NCAM2: variants seen among roughly 807,000 people sequenced by gnomAD.
NCAM2 encodes the protein N-CAM-2.
NCAM2 carries 30 observed loss-of-function variants against 98.1 expected under a neutral mutation model. That is an observed-to-expected ratio of 0.31 (90% confidence interval 0.23 to 0.41). The LOEUF is 0.41. Among genes scored for constraint, NCAM2 ranks in the 10% least tolerant of loss-of-function variants. The pLI is 1.00. For missense variants in NCAM2, 867 were observed against 1,005.8 expected (o/e 0.86, Z 1.87); for synonymous variants, 368 against 342.4 (o/e 1.07, Z -0.83).
chr21:21,182,589 CTG>C (rs2068516067), intron 1 of NCAM2, among the ~76,000 whole-genome samples: 1 of 152,038 alleles, frequency 6.6e-6, no homozygotes, highest in African/African-American at 2.4e-5. Flanking sequence ...TGTCATGTGT[CTG>C]TTTTATCATT....
intron 8 of NCAM2, among the ~76,000 whole-genome samples, chr21:21,348,373 T>C (rs985377078): frequency 5.3e-5 from 8 of 151,976 alleles, no homozygotes; most frequent in Non-Finnish European, 1.2e-4. Flanking sequence ...TGAAATTAAA[T>C]ACCTAGGAAT....
chr21:21,062,937 A>G lies in NCAM2; in HGVS notation c.55+64319A>G, dbSNP rs140093694. ...TCAAAATATAAAGCATTTACATTCCAAGTATCTTTGCAGTGTTAGTGTTAT... is the reference window on the plus strand; with the variant it reads ...TCAAAATATAAAGCATTTACATTCCGAGTATCTTTGCAGTGTTAGTGTTAT... On this transcript the variant is annotated intron_variant, in intron 1 of 17. Transcript: ENST00000400546. Among the ~76,000 whole-genome samples, 948 of 152,294 alleles carry G rather than the reference A, an allele frequency of 6.2e-3. 29 individuals carry two copies. The highest frequency in any genetic ancestry group is 0.05 in the Admixed American group (759 of 15,280).
At chr21:21,342,740 T>A (rs2075078483) in intron 8 of NCAM2, among the ~76,000 whole-genome samples, 1 of 152,214 alleles carries the variant, frequency 6.6e-6, no homozygotes, top group Admixed American at 6.5e-5. Context: ...TGGGGAAGGA[T>A]TCACAATCAT....
chr21:21,304,917 A>G (rs1449467904), intron 5 of NCAM2, among the ~76,000 whole-genome samples: 2 of 152,228 alleles, frequency 1.3e-5, no homozygotes, highest in Admixed American at 6.5e-5. Flanking sequence ...TGTTAATTGT[A>G]GCATCATATA....
At chr21:21,306,818 C>T (rs2073893357) in intron 5 of NCAM2, among the ~76,000 whole-genome samples, 1 of 152,038 alleles carries the variant, frequency 6.6e-6, no homozygotes. Flanking sequence ...TACCCATTTA[C>T]CATCCCCACC....
intron 10 of NCAM2, among the ~76,000 whole-genome samples, chr21:21,416,953 A>G (rs558806612): frequency 6.6e-6 from 1 of 152,154 alleles, no homozygotes; most frequent in Non-Finnish European, 1.5e-5. Context: ...TTTATTAAGC[A>G]TACAACATGA....
intron 1 of NCAM2, among the ~76,000 whole-genome samples, chr21:21,013,648 G>A (rs2064250376): frequency 6.6e-6 from 1 of 152,138 alleles, no homozygotes; most frequent in Admixed American, 6.5e-5. Context: ...GAGCATGGTG[G>A]TGCATGCCTG....
chr21:21,147,262 A>G (rs2826709), intron 1 of NCAM2: 394,579 of 984,326 alleles, frequency 0.4, 79,817 homozygotes, highest in African/African-American at 0.52. Context: ...GTAAATATTC[A>G]GAGATGTGTC....
chr21:21,531,537 C>G (rs1989694201), intron 16 of NCAM2, among the ~76,000 whole-genome samples: 1 of 200 alleles, frequency 5.0e-3, no homozygotes, highest in Non-Finnish European at 0.012. Flanking sequence ...TAATTTAGGT[C>G]TGAACACCTC....
chr21:21,514,952 C>T (rs116200268), intron 16 of NCAM2, among the ~76,000 whole-genome samples: 2,532 of 152,114 alleles, frequency 0.017, 71 homozygotes, highest in African/African-American at 0.057. Context: ...GTTTGTTGTT[C>T]TTCAAGATCG....
intron 9 of NCAM2, among the ~76,000 whole-genome samples, chr21:21,407,829 A>G (rs2076773399): frequency 6.6e-6 from 1 of 152,186 alleles, no homozygotes; most frequent in Non-Finnish European, 1.5e-5. Flanking sequence ...ACATACCTTA[A>G]GGGTTGTAAA....
intron 9 of NCAM2, among the ~76,000 whole-genome samples, chr21:21,376,090 G>A (rs975592626): frequency 6.6e-6 from 1 of 151,632 alleles, no homozygotes; most frequent in African/African-American, 2.4e-5. Context: ...ATGTGTCCCT[G>A]AGTCCTCAAT....
intron 9 of NCAM2, among the ~76,000 whole-genome samples, chr21:21,384,606 T>C (rs2076225958): frequency 6.6e-6 from 1 of 152,016 alleles, no homozygotes; most frequent in Non-Finnish European, 1.5e-5. Flanking sequence ...GACTTGCTCA[T>C]ATATTTGCCT....
chr21:21,338,921 TA>T (rs1356602687), intron 8 of NCAM2, among the ~76,000 whole-genome samples: 1 of 152,164 alleles, frequency 6.6e-6, no homozygotes, highest in East Asian at 1.9e-4. Flanking sequence ...ATTGCCATTT[TA>T]AAAACAGGAA....
Position 21,411,054 on chromosome 21 carries a change from G to GTATATA in NCAM2, c.1383+604_1383+609dup, listed in dbSNP as rs766878394. Reference sequence around the variant, plus strand: ...TATACACACATATATATATGTGTGTGTATATATATATATATACACACACAT... The same window carrying GTATATA: ...TATACACACATATATATATGTGTGTGTATATATATATATATATATATACACACACAT... On this transcript the variant is annotated intron_variant, in intron 10 of 17. Coordinates refer to ENST00000400546, the MANE Select transcript of NCAM2 (RefSeq NM_004540.5). 1.6e-3 allele frequency among the ~76,000 whole-genome samples: 48 copies of GTATATA among 29,266 alleles called. 2 individuals are homozygous for GTATATA. The East Asian group carries it at 0.02, about 12-fold the overall frequency. 19.2% of individuals were successfully genotyped at this position (29,266 alleles called of 152,430 possible).
chr21:21,437,249 A>G (rs1037209030), intron 12 of NCAM2, among the ~76,000 whole-genome samples: 2 of 151,778 alleles, frequency 1.3e-5, no homozygotes, highest in South Asian at 2.1e-4. Flanking sequence ...AAGGTACACA[A>G]CTCTGCACTG....
At chr21:21,098,260 A>G (rs996336697) in intron 1 of NCAM2, among the ~76,000 whole-genome samples, 1 of 151,666 alleles carries the variant, frequency 6.6e-6, no homozygotes, top group Non-Finnish European at 1.5e-5. Flanking sequence ...ATTTATAAAA[A>G]TGTGCCTTGG....
At chr21:21,199,065 A>T (rs1232110468) in intron 1 of NCAM2, among the ~76,000 whole-genome samples, 1 of 152,200 alleles carries the variant, frequency 6.6e-6, no homozygotes, top group East Asian at 1.9e-4. Context: ...TCTTAAATGT[A>T]ACCCAGTTTG....
intron 8 of NCAM2, among the ~76,000 whole-genome samples, chr21:21,343,770 T>C (rs768360025): frequency 6.6e-6 from 1 of 152,162 alleles, no homozygotes; most frequent in Non-Finnish European, 1.5e-5. Flanking sequence ...AAGTGCTCTG[T>C]GTCTCCCAGT....
Sources: gnomAD v4.1 joint callset for allele counts (sites outside exome capture counted in the v4.1 genomes callset) on GRCh38, gnomAD v4.1.1 for gene constraint, MANE v1.5 for transcripts, NCBI Gene and HGNC (gene_info 2026-07-23, HGNC 2026-07-21) for gene names.